ETFRF1: variants seen among roughly 807,000 people sequenced by gnomAD.
ETFRF1 encodes electron transfer flavoprotein regulatory factor 1, also known as LYR motif containing 5.
In ETFRF1, 12 loss-of-function variants were observed where a neutral mutation model predicts 9.0. The ratio of observed to expected loss-of-function variants is 1.34; its 90% confidence interval spans 0.86 to 2.16. The LOEUF is 2.16. Ranked by LOEUF, ETFRF1 falls within the 30% of genes most tolerant of loss-of-function variation. The probability of loss-of-function intolerance (pLI) is 0.00; values close to 1 mark genes in which losing one functional copy is unlikely to be tolerated. For synonymous variants in ETFRF1, 34 were observed against 33.2 expected (o/e 1.02, Z -0.08); for missense variants, 98 against 101.8 (o/e 0.96, Z 0.16).
intron 1 of ETFRF1, among the ~76,000 whole-genome samples, chr12:25,197,105 G>A (rs903777771): frequency 6.6e-6 from 1 of 151,126 alleles, no homozygotes; most frequent in African/African-American, 2.4e-5. Flanking sequence ...AGTGAGCCAA[G>A]ATCGCACCAC....
chr12:25,198,525 G>A (rs1951049360), intron 1 of ETFRF1, among the ~76,000 whole-genome samples: 1 of 152,072 alleles, frequency 6.6e-6, no homozygotes, highest in African/African-American at 2.4e-5. Flanking sequence ...AGAAGTGATA[G>A]AGACAGAAGC....
intron 1 of ETFRF1, among the ~76,000 whole-genome samples, chr12:25,201,956 C>T (rs1016756248): frequency 2.0e-5 from 3 of 151,262 alleles, no homozygotes; most frequent in Non-Finnish European, 4.4e-5. Context: ...CACGGTGGCT[C>T]ACGCCTGTAA....
intron 1 of ETFRF1, 173 bp from the exon 2 acceptor site, chr12:25,203,747 G>A (rs1346556079): frequency 1.0e-5 from 4 of 395,472 alleles, no homozygotes; most frequent in Non-Finnish European, 1.8e-5. Context: ...TATGACAGCA[G>A]GTAATTTTAT....
Position 25,204,706 on chromosome 12 carries a change from C to T in ETFRF1, c.*394C>T, listed in dbSNP as rs1164328971. Reference sequence around the variant, plus strand: ...TTTCTTACACACTTACTTCTCTTAACTTTTGAAAGGAATCCCTTATTTTTT... The same window carrying T: ...TTTCTTACACACTTACTTCTCTTAATTTTTGAAAGGAATCCCTTATTTTTT... On this transcript the variant is annotated 3_prime_UTR_variant, in exon 3 of 3. Coordinates refer to ENST00000381356, the MANE Select transcript of ETFRF1 (RefSeq NM_001001660.3). 1 of 184,528 alleles carries T rather than the reference C, an allele frequency of 5.4e-6. No homozygotes were observed. The highest frequency in any genetic ancestry group is 1.1e-5 in the Non-Finnish European group (1 of 87,282). 11.4% of individuals were successfully genotyped at this position (184,528 alleles called of 1,614,324 possible).
chr12:25,202,063 C>CAAAAAAAAAAAAAAAAA lies in ETFRF1; in HGVS notation c.-37-1853_-37-1837dup, dbSNP rs149050811. Among the ~76,000 whole-genome samples the CAAAAAAAAAAAAAAAAA allele has an allele frequency of 4.8e-3, 255 of 52,768 alleles. 26 individuals carry two copies. Among genetic ancestry groups the CAAAAAAAAAAAAAAAAA allele is most frequent in the African/African-American group, 0.013 (228 of 17,006 alleles). 34.6% of individuals were successfully genotyped at this position (52,768 alleles called of 152,430 possible). ...GTGAAACCCCGTCTCTACTGAAATACAAAAAAAAAAAAAAAAAAAATTAGC... is the reference window on the plus strand; with the variant it reads ...GTGAAACCCCGTCTCTACTGAAATACAAAAAAAAAAAAAAAAAAAAAAAAAAAAAAAAAAAAATTAGC... On this transcript the variant is annotated intron_variant, in intron 1 of 2. Transcript: ENST00000381356.
chr12:25,201,558 T>C (rs1951072990), intron 1 of ETFRF1, among the ~76,000 whole-genome samples: 1 of 152,142 alleles, frequency 6.6e-6, no homozygotes, highest in Admixed American at 6.5e-5. Context: ...AGACTTTTGT[T>C]TCATAACTTG....
rs749962006 is a variant in ETFRF1 at position 25,204,008 on chromosome 12, G to C, written c.51+1G>C. ...AGAAGTACTAAAACTTTATAAAAAT[G>C]TAAGTAATTATGTTGCCAATTTTAT... On this transcript the variant is annotated splice_donor_variant, in intron 2 of 2. Coordinates refer to ENST00000381356, the MANE Select transcript of ETFRF1 (RefSeq NM_001001660.3). LOFTEE classifies it high-confidence loss of function. The C allele has an allele frequency of 6.6e-7, 1 of 1,509,290 alleles. No individual in the cohort carries two copies. Among genetic ancestry groups the C allele is most frequent in the Non-Finnish European group, 8.9e-7 (1 of 1,129,396 alleles). 93.5% of individuals were successfully genotyped at this position (1,509,290 alleles called of 1,614,324 possible). A position where few individuals can be genotyped will look rare whatever the true frequency, so the allele number is the denominator to read the frequency against.
intron 1 of ETFRF1, among the ~76,000 whole-genome samples, chr12:25,203,177 G>A (rs1265450532): frequency 6.6e-6 from 1 of 152,160 alleles, no homozygotes; most frequent in Non-Finnish European, 1.5e-5. Flanking sequence ...GCAATGTTAA[G>A]AGCTTACTAT....
intron 1 of ETFRF1, 97 bp from the exon 2 acceptor site, chr12:25,203,823 T>C (rs1951097949): frequency 3.1e-6 from 2 of 651,108 alleles, no homozygotes; most frequent in Non-Finnish European, 4.8e-6. Context: ...ATTTATTGAA[T>C]GTAAAAAAGG....
Position 25,204,116 on chromosome 12 carries a change from C to G in ETFRF1, c.77C>G (p.Pro26Arg). 1 of 1,595,804 alleles carries G rather than the reference C, an allele frequency of 6.3e-7. No individual in the cohort carries two copies. Among genetic ancestry groups the G allele is most frequent in the Non-Finnish European group, 8.5e-7 (1 of 1,169,772 alleles). The change falls in exon 3 of 3, where the codon CCA (proline) becomes CGA (arginine). Residue 26 changes from proline to arginine, a missense_variant. Coordinates refer to ENST00000381356, the MANE Select transcript of ETFRF1 (RefSeq NM_001001660.3). The part of the protein sequence containing the change: ...KNLLYLGRDY[P>R]KGADYFKKRL... The stretch of plus-strand genomic sequence containing the variant: ...CTGCTGTATCTTGGACGAGACTATC[C>G]AAAAGGAGCAGACTATTTTAAAAAG...
At chr12:25,203,794 G>A (rs1382611182) in intron 1 of ETFRF1, 126 bp from the exon 2 acceptor site, 3 of 559,374 alleles carry the variant, frequency 5.4e-6, no homozygotes, top group Non-Finnish European at 5.8e-6. Flanking sequence ...TACGTGGAAC[G>A]AAAAAGTTAT....
chr12:25,204,078 T>C lies in ETFRF1; in HGVS notation c.52-13T>C. ...ATGGATTGTTTAGAAATATATAATC[T>C]TTCTTTTTGAAGCTGCTGTATCTTG... On this transcript the variant is annotated splice_polypyrimidine_tract_variant and intron_variant, in intron 2 of 2. Transcript: ENST00000381356. The C allele has an allele frequency of 6.4e-7, 1 of 1,558,078 alleles. No individual in the cohort carries two copies. Among genetic ancestry groups the C allele is most frequent in the Admixed American group, 1.9e-5 (1 of 51,768 alleles).
In ETFRF1 at chr12:25,195,270, C is replaced by T. The variant is rs1381241999; in HGVS notation, c.-105C>T. On this transcript the variant is annotated 5_prime_UTR_variant, in exon 1 of 3. Transcript: ENST00000381356. ...GTTGCCCACCTCCCCCAACGCCACCCCGCTTCGCAGTAGACGGACAGAGGA... is the reference window on the plus strand; with the variant it reads ...GTTGCCCACCTCCCCCAACGCCACCTCGCTTCGCAGTAGACGGACAGAGGA... 4 of 654,920 alleles carry T rather than the reference C, an allele frequency of 6.1e-6. No homozygotes were observed. The highest frequency in any genetic ancestry group is 1.7e-5 in the South Asian group (1 of 57,690). The allele number at this position is 654,920 out of a possible 1,614,324, so 40.6% of individuals were successfully genotyped here.
intron 1 of ETFRF1, among the ~76,000 whole-genome samples, chr12:25,196,936 CG>C (rs1951028850): frequency 1.3e-5 from 2 of 152,082 alleles, no homozygotes; most frequent in African/African-American, 4.8e-5. Flanking sequence ...GGGTGGATCA[CG>C]AGGTCTGGAG....
At position 25,204,207 on chromosome 12, in the gene ETFRF1, T is replaced by G. The variant is rs201701567; in HGVS notation, c.168T>G (p.Ile56Met). 4.8e-5 allele frequency: 77 copies of G among 1,613,098 alleles called. No individual in the cohort carries two copies. The African/African-American group carries it at 9.3e-4, about 20-fold the overall frequency. The change falls in exon 3 of 3, where the codon ATT becomes ATG. Residue 56 changes from isoleucine (I) to methionine (M), a missense_variant. Ile to Met is a conservative substitution (Grantham distance 10). Transcript: ENST00000381356. ...ATCCAGAGAAGATCAAAGAACTTAT[T>G]GCACAGGGCGAATTTGTAATGAAAG... ...VKNPEKIKEL[I>M]AQGEFVMKEL...
At chr12:25,197,174 T>G (rs560107200) in intron 1 of ETFRF1, among the ~76,000 whole-genome samples, 3 of 151,068 alleles carry the variant, frequency 2.0e-5, no homozygotes, top group Admixed American at 2.0e-4. Flanking sequence ...AAAGATAAAC[T>G]GCATTAATTC....
intron 1 of ETFRF1, among the ~76,000 whole-genome samples, chr12:25,197,880 C>T (rs150776549): frequency 1.3e-5 from 2 of 152,238 alleles, no homozygotes; most frequent in Admixed American, 1.3e-4. Context: ...TAAATACCCT[C>T]ATCTAATTTT....
chr12:25,201,906 G>T (rs1041871062), intron 1 of ETFRF1, among the ~76,000 whole-genome samples: 3 of 151,676 alleles, frequency 2.0e-5, no homozygotes, highest in East Asian at 3.9e-4. Context: ...CCTTAAAACT[G>T]ATCTAAAAGC....
At chr12:25,201,811 C>T (rs1951075377) in intron 1 of ETFRF1, among the ~76,000 whole-genome samples, 2 of 152,006 alleles carry the variant, frequency 1.3e-5, no homozygotes, top group East Asian at 1.9e-4. Context: ...AACAGGAGAA[C>T]TTAAATTATG....
Sources: gnomAD v4.1 joint callset for allele counts (sites outside exome capture counted in the v4.1 genomes callset) on GRCh38, gnomAD v4.1.1 for gene constraint, MANE v1.5 for transcripts, NCBI Gene and HGNC (gene_info 2026-07-23, HGNC 2026-07-21) for gene names.